The following IL1RAPL1 variants were observed in gnomAD, a reference collection of about 807,000 sequenced individuals.
IL1RAPL1 encodes interleukin 1 receptor accessory protein like 1.
A neutral mutation model predicts 48.4 loss-of-function variants in IL1RAPL1; 3 were observed. The ratio of observed to expected loss-of-function variants is 0.06; its 90% confidence interval spans 0.03 to 0.16. The LOEUF is 0.16. Ranked by LOEUF, IL1RAPL1 falls within the 10% of genes least tolerant of loss-of-function variation. The pLI is 1.00. For missense variants in IL1RAPL1, 349 were observed against 530.6 expected (o/e 0.66, Z 3.36); for synonymous variants, 185 against 187.7 (o/e 0.99, Z 0.12).
chrX:28,756,533 T>A (rs1936106782), intron 1 of IL1RAPL1, among the ~76,000 whole-genome samples: 1 of 111,747 alleles, frequency 8.9e-6, no homozygotes, highest in Non-Finnish European at 1.9e-5. Context: ...TTTTGTCACC[T>A]CTCTTGTTAA....
At chrX:28,771,706 T>G (rs1378142739) in intron 1 of IL1RAPL1, among the ~76,000 whole-genome samples, 1 of 111,589 alleles carries the variant, frequency 9.0e-6, no homozygotes, top group Non-Finnish European at 1.9e-5. Context: ...ATAAATAAAC[T>G]TTTAAAAACA....
intron 2 of IL1RAPL1, among the ~76,000 whole-genome samples, chrX:28,805,123 A>G (rs5943556): frequency 0.44 from 47,696 of 109,321 alleles, 7,733 homozygotes; most frequent in Middle Eastern, 0.61. Flanking sequence ...GTGGGAAATG[A>G]GGCCAGTAGT....
intron 2 of IL1RAPL1, among the ~76,000 whole-genome samples, chrX:29,226,087 T>C (rs376036697): frequency 3.0e-4 from 34 of 111,870 alleles, no homozygotes; most frequent in African/African-American, 1.1e-3. Context: ...AGATTCCATA[T>C]TGATGATTCA....
chrX:28,816,093 C>T (rs866925526), intron 2 of IL1RAPL1, among the ~76,000 whole-genome samples: 2 of 105,586 alleles, frequency 1.9e-5, no homozygotes, highest in Non-Finnish European at 3.9e-5. Context: ...TGCTGTTTTC[C>T]GTAGTGGCTG....
chrX:29,504,317 G>T (rs766972335), intron 5 of IL1RAPL1, among the ~76,000 whole-genome samples: 4 of 111,258 alleles, frequency 3.6e-5, no homozygotes, highest in Non-Finnish European at 7.5e-5. Context: ...GTAACAGTTG[G>T]GTGAAATAAT....
chrX:28,814,629 C>G (rs1936838800), intron 2 of IL1RAPL1, among the ~76,000 whole-genome samples: 1 of 110,463 alleles, frequency 9.1e-6, no homozygotes, highest in Non-Finnish European at 1.9e-5. Context: ...TTAATCCATT[C>G]TGACCATCTC....
chrX:29,555,727 C>T (rs780337214), intron 5 of IL1RAPL1, among the ~76,000 whole-genome samples: 5 of 111,944 alleles, frequency 4.5e-5, no homozygotes, highest in Non-Finnish European at 5.6e-5. Flanking sequence ...TTGAACTTGA[C>T]ACGTAATTTG....
At chrX:29,718,130 C>T (rs1927532380) in intron 6 of IL1RAPL1, among the ~76,000 whole-genome samples, 1 of 111,449 alleles carries the variant, frequency 9.0e-6, no homozygotes, top group African/African-American at 3.3e-5. Flanking sequence ...CGGCTAGAAG[C>T]AGTTTGTGAT....
intron 6 of IL1RAPL1, among the ~76,000 whole-genome samples, chrX:29,838,351 G>A (rs1931060620): frequency 8.9e-6 from 1 of 112,375 alleles, no homozygotes; most frequent in African/African-American, 3.2e-5. Flanking sequence ...AACACATAAA[G>A]TGAGGCTGCT....
chrX:29,780,442 G>A (rs1929312755), intron 6 of IL1RAPL1, among the ~76,000 whole-genome samples: 1 of 111,255 alleles, frequency 9.0e-6, no homozygotes, highest in Admixed American at 9.6e-5. Context: ...GATTTTCATG[G>A]GATGAAAACA....
At chrX:28,631,187 A>G (rs1405429097) in intron 1 of IL1RAPL1, among the ~76,000 whole-genome samples, 1 of 111,376 alleles carries the variant, frequency 9.0e-6, no homozygotes, top group East Asian at 2.9e-4. Flanking sequence ...TCCATCCCCC[A>G]TTGGTCACAG....
chrX:29,094,130 C>T (rs1440052785), intron 2 of IL1RAPL1, among the ~76,000 whole-genome samples: 2 of 111,859 alleles, frequency 1.8e-5, no homozygotes, highest in Non-Finnish European at 3.8e-5. Flanking sequence ...GTCTGGGTAC[C>T]CCTAAAAAAT....
chrX:29,763,659 A>T (rs1191776937), intron 6 of IL1RAPL1, among the ~76,000 whole-genome samples: 2 of 111,318 alleles, frequency 1.8e-5, no homozygotes, highest in East Asian at 5.5e-4. Context: ...TAAGTTTAGT[A>T]TAAGATTTCT....
At chrX:29,885,675 T>G (rs1263163218) in intron 6 of IL1RAPL1, among the ~76,000 whole-genome samples, 1 of 110,361 alleles carries the variant, frequency 9.1e-6, no homozygotes, top group Non-Finnish European at 1.9e-5. Flanking sequence ...AAAAATCAGC[T>G]GAGTGTGGTG....
At chrX:28,648,773 A>G (rs1601846215) in intron 1 of IL1RAPL1, among the ~76,000 whole-genome samples, 1 of 112,185 alleles carries the variant, frequency 8.9e-6, no homozygotes, top group Admixed American at 9.5e-5. Context: ...TCTATTGAAA[A>G]GTTGGGAAGA....
intron 1 of IL1RAPL1, among the ~76,000 whole-genome samples, chrX:28,648,572 C>T (rs888805587): frequency 9.0e-5 from 10 of 111,709 alleles, no homozygotes; most frequent in Non-Finnish European, 1.7e-4. Flanking sequence ...TTTTGTCTCC[C>T]AAAGGTGAAG....
intron 5 of IL1RAPL1, among the ~76,000 whole-genome samples, chrX:29,413,032 G>A (rs1269702146): frequency 8.9e-6 from 1 of 111,880 alleles, no homozygotes; most frequent in African/African-American, 3.3e-5. Flanking sequence ...CCCACATCTT[G>A]TGGGAGGGAC....
At chrX:29,878,961 C>T (rs1423843972) in intron 6 of IL1RAPL1, among the ~76,000 whole-genome samples, 1 of 111,595 alleles carries the variant, frequency 9.0e-6, no homozygotes, top group Non-Finnish European at 1.9e-5. Flanking sequence ...ATGTTTATAG[C>T]AGCCTTATTC....
At chrX:29,916,885 AT>A (rs1419675838) in intron 6 of IL1RAPL1, among the ~76,000 whole-genome samples, 2 of 111,788 alleles carry the variant, frequency 1.8e-5, no homozygotes, top group African/African-American at 6.5e-5. Context: ...TATTGTCACG[AT>A]TTTTGTTTTT....
Sources: allele counts gnomAD v4.1 joint callset (sites outside exome capture counted in the v4.1 genomes callset), GRCh38; gene constraint gnomAD v4.1.1; transcripts MANE v1.5; gene names NCBI Gene and HGNC (gene_info 2026-07-23, HGNC 2026-07-21).